Variants in PLAC9 observed in about 807,000 individuals in gnomAD.
PLAC9 encodes the protein placenta-specific protein 9.
A neutral mutation model predicts 11.5 loss-of-function variants in PLAC9; 12 were observed. That is an observed-to-expected ratio of 1.05 (90% CI 0.67 to 1.69). PLAC9 has a LOEUF of 1.69. Ranked by LOEUF, PLAC9 falls within the 40% of genes most tolerant of loss-of-function variation. The probability of loss-of-function intolerance (pLI) is 0.00; values close to 1 mark genes in which losing one functional copy is unlikely to be tolerated. For missense variants in PLAC9, 132 were observed against 130.5 expected (o/e 1.01, Z -0.06); for synonymous variants, 62 against 58.1 (o/e 1.07, Z -0.31).
intron 3 of PLAC9, 113 bp from the exon 4 acceptor site, chr10:80,144,787 G>T (rs1306324604): frequency 9.2e-7 from 1 of 1,081,320 alleles, no homozygotes. Context: ...TGTGTCCCGC[G>T]CGCAGTAGTT....
At chr10:80,142,295 TG>T in intron 2 of PLAC9, 116 bp downstream of exon 2, 1 of 789,638 alleles carries the variant, frequency 1.3e-6, no homozygotes, top group Admixed American at 2.6e-5. Context: ...GATCCTGCCC[TG>T]TGGCCACCTC....
chr10:80,144,745 T>C (rs1345019842), intron 3 of PLAC9, among the ~76,000 whole-genome samples, 155 bp from the exon 4 acceptor site: 2 of 152,066 alleles, frequency 1.3e-5, no homozygotes, highest in East Asian at 3.9e-4. Flanking sequence ...TCAGGCAGGG[T>C]TGGGGTTGCA....
intron 1 of PLAC9, among the ~76,000 whole-genome samples, chr10:80,139,142 C>T (rs1463799506): frequency 1.3e-5 from 2 of 151,832 alleles, no homozygotes; most frequent in African/African-American, 2.4e-5. Context: ...TTAGTAGAGA[C>T]GGGGTTTCAC....
At position 80,142,149 on chromosome 10, in the gene PLAC9, T is replaced by A; in HGVS notation, c.132T>A (p.Ala44=). Residue 44 remains alanine, a synonymous_variant, in exon 2 of 4, where the codon GCT becomes GCA. Transcript: ENST00000372263. ...AQSTACDRHM[A]VQRRLDVMEE... ...GCACAGCGTGTGACAGACACATGGC[T>A]GTGCAACGCCGTCTAGATGTCATGG... 6.2e-7 allele frequency: 1 copy of A among 1,609,904 alleles called. No homozygotes were observed. The highest frequency in any genetic ancestry group is 8.5e-7 in the Non-Finnish European group (1 of 1,176,630).
At chr10:80,134,511 G>C (rs1844951799) in intron 1 of PLAC9, among the ~76,000 whole-genome samples, 1 of 152,094 alleles carries the variant, frequency 6.6e-6, no homozygotes, top group Non-Finnish European at 1.5e-5. Flanking sequence ...TGATCCACCT[G>C]CCTTGGCCTC....
At chr10:80,137,757 ATACAAAACG>A (rs1564588892) in intron 1 of PLAC9, among the ~76,000 whole-genome samples, 3 of 152,112 alleles carry the variant, frequency 2.0e-5, no homozygotes, top group Non-Finnish European at 4.4e-5. Context: ...TCTACAAAAA[ATACAAAACG>A]TAGCCAGGCA....
intron 2 of PLAC9, among the ~76,000 whole-genome samples, chr10:80,143,395 T>C (rs1049782063): frequency 2.9e-4 from 9 of 31,100 alleles, no homozygotes; most frequent in Non-Finnish European, 5.9e-4. Context: ...TTGAATTTTT[T>C]TTTTTTTTTT....
intron 1 of PLAC9, among the ~76,000 whole-genome samples, chr10:80,136,334 A>G (rs142626272): frequency 5.8e-4 from 88 of 152,306 alleles, no homozygotes; most frequent in African/African-American, 1.7e-3. Flanking sequence ...GCGGGAGGAA[A>G]GGAAGGAAGG....
intron 1 of PLAC9, among the ~76,000 whole-genome samples, chr10:80,138,093 A>G (rs1844999987): frequency 6.6e-6 from 1 of 152,152 alleles, no homozygotes; most frequent in Admixed American, 6.5e-5. Flanking sequence ...TTCTGCTGAC[A>G]ACCTCGTCAG....
chr10:80,137,033 C>T (rs1005973503), intron 1 of PLAC9, among the ~76,000 whole-genome samples: 1 of 152,232 alleles, frequency 6.6e-6, no homozygotes, highest in Admixed American at 6.5e-5. Flanking sequence ...TACCATGATG[C>T]GTTCAAGTCA....
chr10:80,133,312 G>C (rs1844934396), intron 1 of PLAC9, among the ~76,000 whole-genome samples: 1 of 152,216 alleles, frequency 6.6e-6, no homozygotes, highest in Non-Finnish European at 1.5e-5. Context: ...TCTGGAGTGG[G>C]AGGTCACAGC....
intron 1 of PLAC9, among the ~76,000 whole-genome samples, chr10:80,141,014 C>A (rs1187862165): frequency 6.6e-6 from 1 of 151,084 alleles, no homozygotes; most frequent in Non-Finnish European, 1.5e-5. Flanking sequence ...GTAGATTGGG[C>A]ATAACAACAG....
In PLAC9 at chr10:80,145,234, T is replaced by C. The variant is rs1564591911; in HGVS notation, c.*324T>C. The C allele has an allele frequency of 2.6e-5, 13 of 494,646 alleles. No homozygotes were observed. The highest frequency in any genetic ancestry group is 3.9e-5 in the East Asian group (1 of 25,508). The allele number at this position is 494,646 out of a possible 1,614,324, so 30.6% of individuals were successfully genotyped here. On this transcript the variant is annotated 3_prime_UTR_variant, in exon 4 of 4. Coordinates refer to ENST00000372263, the MANE Select transcript of PLAC9 (RefSeq NM_001012973.3). ...GGCCTTGCTTCTCAAAATGTGGCCA[T>C]AGGTGAAAAGCAAGGGGATCAGGGT...
At chr10:80,144,114 C>A in intron 2 of PLAC9, 109 bp from the exon 3 acceptor site, 8 of 1,513,458 alleles carry the variant, frequency 5.3e-6, no homozygotes, top group Non-Finnish European at 7.3e-6. Context: ...GCGCCCAGTC[C>A]TTTCCCACTG....
intron 1 of PLAC9, among the ~76,000 whole-genome samples, chr10:80,138,949 T>TC (rs1440849397): frequency 6.9e-6 from 1 of 144,072 alleles, no homozygotes; most frequent in Non-Finnish European, 1.5e-5. Context: ...ATTGCAATAT[T>TC]CCTTTTTTTT....
intron 1 of PLAC9, among the ~76,000 whole-genome samples, chr10:80,134,265 C>CTTTCT (rs1554828781): frequency 3.0e-5 from 4 of 134,644 alleles, no homozygotes; most frequent in Non-Finnish European, 4.8e-5. Context: ...TTCTTTCTTT[C>CTTTCT]TTTTTTTTTT....
At chr10:80,138,044 A>G (rs1166532038) in intron 1 of PLAC9, among the ~76,000 whole-genome samples, 1 of 151,984 alleles carries the variant, frequency 6.6e-6, no homozygotes, top group African/African-American at 2.4e-5. Context: ...CTCTCTGAAT[A>G]TTTTACATGA....
At chr10:80,134,877 T>C (rs565921252) in intron 1 of PLAC9, among the ~76,000 whole-genome samples, 1 of 152,298 alleles carries the variant, frequency 6.6e-6, no homozygotes, top group East Asian at 1.9e-4. Flanking sequence ...ACTAAGTTTG[T>C]CCTGTAAAGT....
intron 2 of PLAC9, 42 bp downstream of exon 2, chr10:80,142,221 C>G: frequency 6.6e-7 from 1 of 1,505,290 alleles, no homozygotes; most frequent in Non-Finnish European, 9.2e-7. Context: ...TCAGGACCAC[C>G]TTCTAGGATG....
Sources: gnomAD v4.1 joint callset for allele counts (sites outside exome capture counted in the v4.1 genomes callset) on GRCh38, gnomAD v4.1.1 for gene constraint, MANE v1.5 for transcripts, NCBI Gene and HGNC (gene_info 2026-07-23, HGNC 2026-07-21) for gene names.